The following JARID2 variants were observed in gnomAD, a reference collection of about 807,000 sequenced individuals.
The protein encoded by JARID2 is jumonji and AT-rich interaction domain containing 2, also known as protein Jumonji.
Under a neutral mutation model 125.6 loss-of-function variants are expected in JARID2, and 21 were observed. The ratio of observed to expected loss-of-function variants is 0.17; its 90% CI spans 0.12 to 0.24. The LOEUF is 0.24. JARID2 is among the 10% of genes least tolerant of loss of function. The probability of loss-of-function intolerance (pLI) is 1.00; values close to 1 mark genes in which losing one functional copy is unlikely to be tolerated. For synonymous variants in JARID2, 736 were observed against 661.6 expected, an observed-to-expected ratio of 1.11 and a Z score of -1.73; for missense variants, 1,303 against 1,639.6, an observed-to-expected ratio of 0.79 and a Z score of 3.55.
intron 1 of JARID2, among the ~76,000 whole-genome samples, chr6:15,367,930 T>G (rs895375248): frequency 2.0e-5 from 3 of 152,192 alleles, no homozygotes; most frequent in African/African-American, 7.2e-5. Context: ...CTCTGTTTTC[T>G]TGCACTAATG....
intron 3 of JARID2, among the ~76,000 whole-genome samples, chr6:15,429,810 C>T (rs150477035): frequency 1.1e-3 from 160 of 152,214 alleles, no homozygotes; most frequent in Middle Eastern, 6.8e-3. Flanking sequence ...TGTACACACA[C>T]GTTTCTACAT....
At chr6:15,501,550 T>G in intron 8 of JARID2, 141 bp downstream of exon 8, 1 of 709,104 alleles carries the variant, frequency 1.4e-6, no homozygotes, top group Non-Finnish European at 2.3e-6. Context: ...TGCTGGGTGA[T>G]AGCGCTGTAT....
chr6:15,299,777 G>T (rs933204070), intron 1 of JARID2, among the ~76,000 whole-genome samples: 5 of 152,290 alleles, frequency 3.3e-5, no homozygotes, highest in African/African-American at 4.8e-5. Context: ...TCACTTCAGC[G>T]GGGTGGGCTT....
At chr6:15,506,084 A>C (rs1770991752) in intron 9 of JARID2, among the ~76,000 whole-genome samples, 1 of 152,222 alleles carries the variant, frequency 6.6e-6, no homozygotes, top group South Asian at 2.1e-4. Flanking sequence ...GCAGTTGTGT[A>C]AATATTTAAA....
chr6:15,516,643 G>GC (rs1771575994), intron 16 of JARID2, among the ~76,000 whole-genome samples: 2 of 152,242 alleles, frequency 1.3e-5, no homozygotes, highest in Admixed American at 1.3e-4. Context: ...TTGACTGTGA[G>GC]CCACTCATGG....
chr6:15,261,528 G>C (rs533027176), intron 1 of JARID2, among the ~76,000 whole-genome samples: 1 of 151,864 alleles, frequency 6.6e-6, no homozygotes, highest in South Asian at 2.1e-4. Flanking sequence ...ATGTTAGTTT[G>C]CCAGGATGGT....
Position 15,501,188 on chromosome 6 carries a change from A to G in JARID2, c.2227A>G (p.Asn743Asp). ...GGGGCCGCTGGAAGGCCACACAGAG[A>G]ACGACCACCACAAGTTCCACCCTCT... ...RKGPLEGHTENDHHKFHPLPR... is the reference protein window; with the variant it reads ...RKGPLEGHTEDDHHKFHPLPR... Residue 743 changes from asparagine (N) to aspartate (D), a missense_variant, in exon 8 of 18, where the codon AAC becomes GAC. Physicochemically the swap from Asn to Asp is conservative, Grantham distance 23. Around this residue, in one of 11 missense-constraint regions of JARID2, gnomAD observed 124 missense variants for 131.0 expected, o/e 0.95. Transcript: ENST00000341776. 6.2e-7 allele frequency: 1 copy of G among 1,614,080 alleles called. No individual in the cohort carries two copies. Among genetic ancestry groups the G allele is most frequent in the Non-Finnish European group, 8.5e-7 (1 of 1,179,994 alleles).
chr6:15,275,224 G>A (rs1017449560), intron 1 of JARID2, among the ~76,000 whole-genome samples: 13 of 152,136 alleles, frequency 8.5e-5, no homozygotes, highest in African/African-American at 2.9e-4. Context: ...GGCTCTTGGG[G>A]TCAGTAGCAA....
intron 3 of JARID2, among the ~76,000 whole-genome samples, chr6:15,436,104 G>A (rs76484783): frequency 0.027 from 4,092 of 152,238 alleles, 86 homozygotes; most frequent in Non-Finnish European, 0.042. Flanking sequence ...CAGTGTGCAT[G>A]TGTTACAGGG....
At chr6:15,367,423 C>CGG (rs1764019169) in intron 1 of JARID2, among the ~76,000 whole-genome samples, 1 of 152,144 alleles carries the variant, frequency 6.6e-6, no homozygotes, top group South Asian at 2.1e-4. Context: ...CTTCTATCCC[C>CGG]ACTACTAATA....
At chr6:15,361,487 AACAC>A (rs1268357919) in intron 1 of JARID2, among the ~76,000 whole-genome samples, 7 of 152,228 alleles carry the variant, frequency 4.6e-5, no homozygotes, top group Non-Finnish European at 7.3e-5. Context: ...CTTTGCTTAT[AACAC>A]ACCTTTTGTT....
At chr6:15,443,148 G>T (rs150067653) in intron 3 of JARID2, among the ~76,000 whole-genome samples, 467 of 152,138 alleles carry the variant, frequency 3.1e-3, no homozygotes, top group Admixed American at 5.4e-3. Context: ...TATTCCAAGG[G>T]AGTGAAGTGT....
intron 16 of JARID2, among the ~76,000 whole-genome samples, chr6:15,516,555 C>T (rs997595058): frequency 6.6e-6 from 1 of 152,180 alleles, no homozygotes; most frequent in Non-Finnish European, 1.5e-5. Flanking sequence ...AGGTCATCGG[C>T]GTCACAGCGG....
At chr6:15,515,896 A>G (rs1490187414) in intron 16 of JARID2, among the ~76,000 whole-genome samples, 1 of 151,288 alleles carries the variant, frequency 6.6e-6, no homozygotes, top group Non-Finnish European at 1.5e-5. Context: ...TTAGCCGTGC[A>G]TGATGTTGAG....
At chr6:15,374,274 C>T in intron 2 of JARID2, 22 bp downstream of exon 2, 4 of 1,611,784 alleles carry the variant, frequency 2.5e-6, no homozygotes, top group Non-Finnish European at 3.4e-6. Flanking sequence ...CTTGGAATAT[C>T]TCATTGGAAT....
At chr6:15,508,063 C>T (rs1771095018) in intron 11 of JARID2, among the ~76,000 whole-genome samples, 1 of 152,252 alleles carries the variant, frequency 6.6e-6, no homozygotes, top group African/African-American at 2.4e-5. Flanking sequence ...CGTGGGCGGC[C>T]GGTTCCTCGG....
intron 3 of JARID2, among the ~76,000 whole-genome samples, chr6:15,446,760 A>C (rs1353553599): frequency 6.6e-6 from 1 of 152,220 alleles, no homozygotes; most frequent in African/African-American, 2.4e-5. Context: ...GTTATGAATG[A>C]GGGACCATGG....
intron 4 of JARID2, among the ~76,000 whole-genome samples, chr6:15,460,942 G>T (rs1768417050): frequency 6.6e-6 from 1 of 152,098 alleles, no homozygotes; most frequent in South Asian, 2.1e-4. Flanking sequence ...TGACCTCAGG[G>T]TATCTGCCCA....
Position 15,520,790 on chromosome 6 carries a change from G to A in JARID2, c.*539G>A, listed in dbSNP as rs550548571. On this transcript the variant is annotated 3_prime_UTR_variant, in exon 18 of 18. Transcript: ENST00000341776. Reference sequence around the variant, plus strand: ...TGATCTGGGAAGCCGGGGCACCCCCGTTTTGTTTCTCTGGGCGGTTGTGGC... The same window carrying A: ...TGATCTGGGAAGCCGGGGCACCCCCATTTTGTTTCTCTGGGCGGTTGTGGC... The A allele has an allele frequency of 2.5e-4, 115 of 455,954 alleles. No individual in the cohort carries two copies. Among genetic ancestry groups the A allele is most frequent in the Non-Finnish European group, 4.5e-4 (101 of 226,766 alleles). The allele number at this position is 455,954 out of a possible 1,614,324, so 28.2% of individuals were successfully genotyped here.
Sources: gnomAD v4.1 joint callset for allele counts (sites outside exome capture counted in the v4.1 genomes callset) on GRCh38, gnomAD v4.1.1 for gene constraint, gnomAD v4.1.1 regional missense constraint, MANE v1.5 for transcripts, NCBI Gene and HGNC (gene_info 2026-07-23, HGNC 2026-07-21) for gene names.